FGGY: variants seen among roughly 807,000 people sequenced by gnomAD.
FGGY encodes FGGY carbohydrate kinase domain containing, also known as FGGY carbohydrate kinase domain-containing protein.
Under a neutral mutation model 71.3 loss-of-function variants are expected in FGGY, and 72 were observed. That is an observed-to-expected ratio of 1.01 (90% CI 0.84 to 1.23). FGGY has a LOEUF of 1.23. FGGY is among the 50% of genes most tolerant of loss of function. The probability of loss-of-function intolerance (pLI) is 0.00; values close to 1 mark genes in which losing one functional copy is unlikely to be tolerated. For missense variants in FGGY, 668 were observed against 682.3 expected, an observed-to-expected ratio of 0.98 and a Z score of 0.23; for synonymous variants, 251 against 250.3, an observed-to-expected ratio of 1.00 and a Z score of -0.02.
chr1:59,628,959 G>A (rs886906278), intron 10 of FGGY, among the ~76,000 whole-genome samples: 2 of 152,056 alleles, frequency 1.3e-5, no homozygotes, highest in Non-Finnish European at 2.9e-5. Context: ...TAGAATAATG[G>A]GTGATACAGA....
At chr1:59,344,386 A>G (rs772878411) in intron 3 of FGGY, among the ~76,000 whole-genome samples, 5 of 152,018 alleles carry the variant, frequency 3.3e-5, no homozygotes, top group African/African-American at 7.2e-5. Flanking sequence ...CTATTCGCCT[A>G]CCACTGAGGA....
rs575543097 is a variant in FGGY, at chr1:59,532,811, TAGAA to T, written c.799+20383_799+20386del. Among the ~76,000 whole-genome samples the T allele has an allele frequency of 3.3e-4, 50 of 152,002 alleles. No homozygotes were observed. The South Asian group carries it at 8.3e-3, about 25-fold the overall frequency. On this transcript the variant is annotated intron_variant, in intron 7 of 15. Transcript: ENST00000303721. Reference sequence around the variant, plus strand: ...AAAAATAAATGGAAAATATAAGAATTAGAAAGAAAGAAAGCTAACATCATAGATG... The same window carrying T: ...AAAAATAAATGGAAAATATAAGAATTAGAAAGAAAGCTAACATCATAGATG...
chr1:59,343,087 T>C (rs1053309750), intron 3 of FGGY, among the ~76,000 whole-genome samples: 2 of 152,056 alleles, frequency 1.3e-5, no homozygotes, highest in African/African-American at 2.4e-5. Context: ...AGGGTGATAA[T>C]TGGGGCTGGG....
At position 59,497,696 on chromosome 1, in the gene FGGY, C is replaced by T. The variant is rs78295759; in HGVS notation, c.671-14615C>T. Among the ~76,000 whole-genome samples the T allele has an allele frequency of 1.3e-3, 198 of 152,274 alleles. 2 individuals carry two copies. Among genetic ancestry groups the T allele is most frequent in the Non-Finnish European group, 2.3e-3 (159 of 68,022 alleles). ...AGCCGTAGGCCTCCATCCTCTGTTG[C>T]CAGTCTGTTCTTCTGACTCTCACCT... On this transcript the variant is annotated intron_variant, in intron 6 of 15. Coordinates refer to ENST00000303721, the MANE Select transcript of FGGY (RefSeq NM_018291.5).
chr1:59,698,591 TC>T (rs1024998970), intron 14 of FGGY: 3 of 168,234 alleles, frequency 1.8e-5, no homozygotes, highest in African/African-American at 7.2e-5. Flanking sequence ...TGATTTCAGC[TC>T]CCCTCTGAAG....
chr1:59,544,185 A>G (rs998071654), intron 7 of FGGY, among the ~76,000 whole-genome samples: 7 of 152,250 alleles, frequency 4.6e-5, no homozygotes, highest in African/African-American at 1.7e-4. Context: ...ACATTTATGT[A>G]ATATGTTTTA....
intron 2 of FGGY, among the ~76,000 whole-genome samples, chr1:59,324,165 A>T (rs1206878238): frequency 6.6e-6 from 1 of 152,078 alleles, no homozygotes; most frequent in African/African-American, 2.4e-5. Flanking sequence ...TGTGGTGTCA[A>T]TGATGATGAC....
At chr1:59,526,417 G>A (rs965950720) in intron 7 of FGGY, among the ~76,000 whole-genome samples, 6 of 152,214 alleles carry the variant, frequency 3.9e-5, no homozygotes, top group African/African-American at 1.4e-4. Context: ...TCAAGCATGT[G>A]CTGGGCACTG....
intron 4 of FGGY, among the ~76,000 whole-genome samples, chr1:59,356,181 A>G (rs559728139): frequency 1.3e-5 from 2 of 152,016 alleles, no homozygotes; most frequent in South Asian, 2.1e-4. Context: ...CCCTCTGAGC[A>G]CTTGAATTTG....
rs138845270 is a variant in FGGY at position 59,421,435 on chromosome 1, C to A, written c.555-35526C>A. 3.5e-3 allele frequency among the ~76,000 whole-genome samples: 528 copies of A among 152,080 alleles called. 1 individual carries two copies. Among genetic ancestry groups the A allele is most frequent in the African/African-American group, 0.012 (492 of 41,504 alleles). ...AGCCTGGAATTTGTTTAAAAAGAAT[C>A]AGGGTGTGGTATAGTTAAAACTCCT... is the stretch of plus-strand genomic sequence containing the variant. On this transcript the variant is annotated intron_variant, in intron 5 of 15. Transcript: ENST00000303721.
At chr1:59,547,396 G>A (rs554742867) in intron 7 of FGGY, among the ~76,000 whole-genome samples, 7 of 152,274 alleles carry the variant, frequency 4.6e-5, no homozygotes, top group African/African-American at 1.7e-4. Context: ...GTTCTTGTAA[G>A]TAGTTGAAAA....
intron 8 of FGGY, among the ~76,000 whole-genome samples, chr1:59,592,478 A>T: frequency 6.6e-6 from 1 of 152,208 alleles, no homozygotes; most frequent in Non-Finnish European, 1.5e-5. Context: ...ATAAAGACAC[A>T]TGCACACATA....
Position 59,491,064 on chromosome 1 carries a change from T to TCCCCTCCC in FGGY, c.671-21247_671-21246insCCCCTCCC, listed in dbSNP as rs1570029711. 7.4e-3 allele frequency among the ~76,000 whole-genome samples: 5 copies of TCCCCTCCC among 678 alleles called. 1 individual carries two copies. Among genetic ancestry groups the TCCCCTCCC allele is most frequent in the East Asian group, 0.083 (1 of 12 alleles). 0.4% of individuals were successfully genotyped at this position (678 alleles called of 152,430 possible). On this transcript the variant is annotated intron_variant, in intron 6 of 15. Transcript: ENST00000303721. ...CTTCCTTCCTTCCTTCCTTCCTTCC[T>TCCCCTCCC]TCCTTCCTTCCTTCCTTCCTTCCTT... is the stretch of plus-strand genomic sequence containing the variant.
At chr1:59,756,982 T>C (rs922330982) in intron 14 of FGGY, among the ~76,000 whole-genome samples, 1 of 151,990 alleles carries the variant, frequency 6.6e-6, no homozygotes, top group Non-Finnish European at 1.5e-5. Context: ...TGCAAATCTG[T>C]ATCCCTAGCA....
intron 8 of FGGY, among the ~76,000 whole-genome samples, chr1:59,590,161 T>C (rs1191454580): frequency 6.6e-6 from 1 of 152,072 alleles, no homozygotes; most frequent in Non-Finnish European, 1.5e-5. Flanking sequence ...TACAAACACC[T>C]CTACTCAAAT....
At chr1:59,344,382 G>A (rs1310248373) in intron 3 of FGGY, among the ~76,000 whole-genome samples, 5 of 150,486 alleles carry the variant, frequency 3.3e-5, no homozygotes, top group Middle Eastern at 3.2e-3. Context: ...CTTCCTATTC[G>A]CCTACCACTG....
At chr1:59,706,383 T>A (rs1010540891) in intron 14 of FGGY, among the ~76,000 whole-genome samples, 5 of 152,222 alleles carry the variant, frequency 3.3e-5, no homozygotes, top group Admixed American at 2.6e-4. Context: ...AGTGCTAATG[T>A]TATCTACCTC....
intron 9 of FGGY, among the ~76,000 whole-genome samples, chr1:59,611,615 G>T (rs2096680405): frequency 6.6e-6 from 1 of 152,202 alleles, no homozygotes; most frequent in African/African-American, 2.4e-5. Flanking sequence ...AAGGAACGCA[G>T]CTCCTCACCA....
chr1:59,372,161 G>A (rs1220673703), intron 4 of FGGY, among the ~76,000 whole-genome samples: 4 of 151,786 alleles, frequency 2.6e-5, no homozygotes, highest in South Asian at 4.2e-4. Flanking sequence ...TTGATAGACC[G>A]TTAGCAAGAC....
Sources: allele counts gnomAD v4.1 joint callset (sites outside exome capture counted in the v4.1 genomes callset), GRCh38; gene constraint gnomAD v4.1.1; transcripts MANE v1.5; gene names NCBI Gene and HGNC (gene_info 2026-07-23, HGNC 2026-07-21).